The following METTL22 variants were observed in gnomAD, a reference collection of about 807,000 sequenced individuals.
METTL22 encodes the protein methyltransferase-like protein 22.
METTL22 carries 51 observed loss-of-function variants against 48.4 expected under a neutral mutation model. The observed-to-expected ratio is 1.05, with a 90% CI of 0.84 to 1.33. The LOEUF (loss-of-function observed/expected upper bound fraction) is 1.33, where lower values mean the gene tolerates loss of function less well. Ranked by LOEUF, METTL22 falls within the 40% of genes most tolerant of loss-of-function variation. The probability of loss-of-function intolerance (pLI) is 0.00; values close to 1 mark genes in which losing one functional copy is unlikely to be tolerated. For missense variants in METTL22, 678 were observed against 526.9 expected (o/e 1.29, Z -2.81); for synonymous variants, 255 against 214.1 (o/e 1.19, Z -1.67).
At chr16:8,657,485 C>T in the METTL22 span, among the ~76,000 whole-genome samples, 61 of 152,260 alleles carry the variant, frequency 4.0e-4, no homozygotes, top group Middle Eastern at 3.4e-3. Flanking sequence ...CAGCCTTTGT[C>T]CTGTCCCTCT....
At position 8,628,896 on chromosome 16, in the gene METTL22, C is replaced by T. The variant is rs1567228926; in HGVS notation, c.300C>T (p.Leu100=). The T allele has an allele frequency of 1.2e-6, 2 of 1,613,924 alleles. No individual in the cohort carries two copies. Among genetic ancestry groups the T allele is most frequent in the South Asian group, 1.1e-5 (1 of 91,072 alleles). ...GSGHGNEGFS[L]QAGTDTTGQE... is the part of the protein sequence containing the mutation. Reference sequence around the variant, plus strand: ...GCCATGGTAATGAGGGTTTCTCCCTCCAGGCCGGGACTGACACCACTGGCC... The same window carrying T: ...GCCATGGTAATGAGGGTTTCTCCCTTCAGGCCGGGACTGACACCACTGGCC... The change falls in exon 3 of 11, where the codon CTC becomes CTT. Residue 100 remains leucine, a synonymous_variant. Coordinates refer to ENST00000381920, the MANE Select transcript of METTL22 (RefSeq NM_024109.4).
chr16:8,630,381 G>A lies in METTL22; in HGVS notation c.514+1271G>A, dbSNP rs185703150. ...CCATTTCACAGAGGAAGAGACTGAG[G>A]CTCAGCGAGGTTGAGGAACTTGCTG... is the stretch of plus-strand genomic sequence containing the variant. On this transcript the variant is annotated intron_variant, in intron 3 of 10. Transcript: ENST00000381920. Among the ~76,000 whole-genome samples, 4 of 152,294 alleles carry A rather than the reference G, an allele frequency of 2.6e-5. No individual in the cohort carries two copies. The East Asian group carries it at 7.7e-4, about 29-fold the overall frequency.
In METTL22 at chr16:8,635,311, A is replaced by G; in HGVS notation, c.699A>G (p.Thr233=). The G allele has an allele frequency of 1.9e-6, 3 of 1,547,620 alleles. No homozygotes were observed. Among genetic ancestry groups the G allele is most frequent in the Non-Finnish European group, 2.6e-6 (3 of 1,147,794 alleles). Residue 233 remains threonine, a splice_region_variant and synonymous_variant, in exon 5 of 11, where the codon ACA becomes ACG. Transcript: ENST00000381920. The part of the protein sequence containing the change: ...AATMARTVYC[T]DVGADLLSMC... ...CCATGGCACGGACCGTTTATTGTAC[A>G]GGTAATGAGGTGACATCTCAGGCTG...
Position 8,642,490 on chromosome 16 carries a change from C to T in METTL22, c.935C>T (p.Ala312Val). 1 of 1,614,182 alleles carries T rather than the reference C, an allele frequency of 6.2e-7. No homozygotes were observed. Among genetic ancestry groups the T allele is most frequent in the Non-Finnish European group, 8.5e-7 (1 of 1,180,036 alleles). The change falls in exon 9 of 11, where the codon GCT becomes GTT. Residue 312 changes from alanine to valine, a missense_variant. Coordinates refer to ENST00000381920, the MANE Select transcript of METTL22 (RefSeq NM_024109.4). ...EVFYDDDLTD[A>V]VFKTLSRLAH... ...TTTTACGACGACGACTTGACTGATGCTGTGTTTAAAACGCTCTCCCGACTC... is the reference window on the plus strand; with the variant it reads ...TTTTACGACGACGACTTGACTGATGTTGTGTTTAAAACGCTCTCCCGACTC...
chr16:8,659,794 G>C, the METTL22 span, among the ~76,000 whole-genome samples: 7 of 151,898 alleles, frequency 4.6e-5, no homozygotes, highest in African/African-American at 1.7e-4. Flanking sequence ...CGCAGTCTTG[G>C]CTCACTGCAG....
the METTL22 span, among the ~76,000 whole-genome samples, chr16:8,663,816 A>G: frequency 1.3e-5 from 2 of 152,148 alleles, no homozygotes; most frequent in African/African-American, 4.8e-5. Flanking sequence ...GAGGAGTTAC[A>G]CTAGAGTGAG....
chr16:8,646,579 C>T lies in METTL22; in HGVS notation c.*436C>T, dbSNP rs1275583372. ...ATCATATTGCCGCTCGGCACAAAAG[C>T]CTCATTTCCTCCCAGGGTTGGGTAT... is the stretch of plus-strand genomic sequence containing the variant. On this transcript the variant is annotated 3_prime_UTR_variant, in exon 11 of 11. Coordinates refer to ENST00000381920, the MANE Select transcript of METTL22 (RefSeq NM_024109.4). The T allele has an allele frequency of 4.3e-6, 2 of 464,986 alleles. No homozygotes were observed. Among genetic ancestry groups the T allele is most frequent in the Admixed American group, 4.7e-5 (2 of 42,804 alleles). 28.8% of individuals were successfully genotyped at this position (464,986 alleles called of 1,614,324 possible).
intron 9 of METTL22, among the ~76,000 whole-genome samples, chr16:8,643,674 T>A (rs1596366461): frequency 6.6e-6 from 1 of 152,162 alleles, no homozygotes; most frequent in East Asian, 1.9e-4. Flanking sequence ...AGTGTGATGG[T>A]GCGATCTCGG....
chr16:8,636,305 C>A (rs1240757155), intron 5 of METTL22, among the ~76,000 whole-genome samples: 1 of 152,152 alleles, frequency 6.6e-6, no homozygotes, highest in Non-Finnish European at 1.5e-5. Flanking sequence ...GAGGCTGAGG[C>A]AGGCAGATCA....
At chr16:8,655,299 C>A in the METTL22 span, among the ~76,000 whole-genome samples, 29,045 of 152,072 alleles carry the variant, frequency 0.19, 3,505 homozygotes, top group Non-Finnish European at 0.27. Flanking sequence ...CATTGAGGCT[C>A]CCTCTTGTGG....
chr16:8,642,653 T>C, intron 9 of METTL22, 88 bp downstream of exon 9: 2 of 1,241,920 alleles, frequency 1.6e-6, no homozygotes, highest in South Asian at 1.2e-5. Flanking sequence ...AGTGTCATTA[T>C]GATTGTTACT....
rs1373165682 is a variant in METTL22, at chr16:8,642,463, T to C, written c.908T>C (p.Val303Ala). ...DHTTILFAAE[V>A]FYDDDLTDAV... is the part of the protein sequence containing the mutation. ...ATGCTGGCCTTTTTGCTTCCCACAGTGTTTTACGACGACGACTTGACTGAT... is the reference window on the plus strand; with the variant it reads ...ATGCTGGCCTTTTTGCTTCCCACAGCGTTTTACGACGACGACTTGACTGAT... Residue 303 changes from valine to alanine, a missense_variant and splice_region_variant, in exon 9 of 11, where the codon GTG becomes GCG. Transcript: ENST00000381920. 1.2e-6 allele frequency: 2 copies of C among 1,614,022 alleles called. No individual in the cohort carries two copies. The highest frequency in any genetic ancestry group is 2.7e-5 in the African/African-American group (2 of 74,934).
chr16:8,625,460 A>G, intron 1 of METTL22, 36 bp from the exon 2 acceptor site: 1 of 416,642 alleles, frequency 2.4e-6, no homozygotes, highest in Non-Finnish European at 4.2e-6. Flanking sequence ...ATAATGAGTG[A>G]AATGAATATA....
the METTL22 span, among the ~76,000 whole-genome samples, chr16:8,656,589 C>G: frequency 2.0e-5 from 3 of 152,216 alleles, no homozygotes. Context: ...GTTTGAGACT[C>G]CAGTTACCTC....
downstream of METTL22, among the ~76,000 whole-genome samples, chr16:8,650,633 G>C (rs2056880961): frequency 6.6e-6 from 1 of 152,200 alleles, no homozygotes; most frequent in Non-Finnish European, 1.5e-5. Flanking sequence ...AAATTCTCAA[G>C]GTGGTGAATA....
chr16:8,650,457 A>G (rs2056878579), downstream of METTL22, among the ~76,000 whole-genome samples: 1 of 152,244 alleles, frequency 6.6e-6, no homozygotes, highest in South Asian at 2.1e-4. Context: ...TCACCTGTAA[A>G]ATAGTAAAAC....
At chr16:8,622,923 G>A (rs539214105) in intron 1 of METTL22, among the ~76,000 whole-genome samples, 1 of 152,206 alleles carries the variant, frequency 6.6e-6, no homozygotes, top group African/African-American at 2.4e-5. Context: ...GAGTTTTTTT[G>A]TGTGTGTCTA....
chr16:8,642,720 C>A lies in METTL22; in HGVS notation c.1010+155C>A, dbSNP rs561973295. ...CAGGTCTGTGCTCATCCTTTGTGTA[C>A]GTTACTGCACTGAATCTGCATCCTA... On this transcript the variant is annotated intron_variant, in intron 9 of 10. Transcript: ENST00000381920. 8 of 719,840 alleles carry A rather than the reference C, an allele frequency of 1.1e-5. No individual in the cohort carries two copies. The East Asian group carries it at 2.0e-4, about 18-fold the overall frequency. 44.6% of individuals were successfully genotyped at this position (719,840 alleles called of 1,614,324 possible).
intron 1 of METTL22, among the ~76,000 whole-genome samples, chr16:8,622,024 C>A (rs559667481): frequency 1.3e-5 from 2 of 152,192 alleles, no homozygotes; most frequent in Non-Finnish European, 2.9e-5. Flanking sequence ...GGGCAGTGCC[C>A]GACCTGTGAC....
Sources: allele counts gnomAD v4.1 joint callset (sites outside exome capture counted in the v4.1 genomes callset), GRCh38; gene constraint gnomAD v4.1.1; transcripts MANE v1.5; gene names NCBI Gene and HGNC (gene_info 2026-07-23, HGNC 2026-07-21).